The following LHFPL4 variants were observed in gnomAD, a reference collection of about 807,000 sequenced individuals.
The protein encoded by LHFPL4 is LHFPL tetraspan subfamily member 4.
LHFPL4 carries 6 observed loss-of-function variants against 20.0 expected under a neutral mutation model. The observed-to-expected ratio is 0.30, with a 90% CI of 0.16 to 0.59. The LOEUF is 0.59. LHFPL4 is among the 20% of genes least tolerant of loss of function. LHFPL4 has a pLI of 0.88. For missense variants in LHFPL4, 215 were observed against 331.2 expected (o/e 0.65, Z 2.72); for synonymous variants, 129 against 143.8 (o/e 0.90, Z 0.74).
intron 2 of LHFPL4, among the ~76,000 whole-genome samples, chr3:9,529,645 T>A (rs2046396897): frequency 6.6e-6 from 1 of 151,846 alleles, no homozygotes; most frequent in Non-Finnish European, 1.5e-5. Context: ...ATTTATTTAT[T>A]TTTTTTTGAG....
At chr3:9,515,263 C>A (rs2046291779) in intron 2 of LHFPL4, among the ~76,000 whole-genome samples, 1 of 152,228 alleles carries the variant, frequency 6.6e-6, no homozygotes, top group Non-Finnish European at 1.5e-5. Context: ...TGTGGAACGT[C>A]TTCTCATATG....
In LHFPL4 at chr3:9,552,520, G is replaced by A. The variant is rs1237382648; in HGVS notation, c.160C>T (p.Pro54Ser). 6.2e-7 allele frequency: 1 copy of A among 1,613,846 alleles called. No individual in the cohort carries two copies. Among genetic ancestry groups the A allele is most frequent in the Admixed American group, 1.7e-5 (1 of 60,028 alleles). The part of the protein sequence containing the change: ...PYWVGDSVST[P>S]KPGYFGLFHY... ...AAGAGGCCGAAGTAGCCAGGCTTGG[G>A]GGTGCTCACGCTGTCGCCCACCCAG... Residue 54 changes from proline (P) to serine (S), a missense_variant, in exon 2 of 4, where the codon CCC (proline) becomes TCC (serine). Physicochemically the swap from Pro to Ser is moderately conservative, Grantham distance 74. This residue lies in a region of LHFPL4 where 164 missense variants were observed against 286.7 expected (regional missense o/e 0.57). Transcript: ENST00000287585.
chr3:9,517,975 G>A (rs926268990), intron 2 of LHFPL4, among the ~76,000 whole-genome samples: 2 of 151,928 alleles, frequency 1.3e-5, no homozygotes, highest in African/African-American at 4.8e-5. Context: ...GCAGTAGTGA[G>A]GGGACACCCT....
At chr3:9,520,133 T>C (rs2046328675) in intron 2 of LHFPL4, among the ~76,000 whole-genome samples, 1 of 152,038 alleles carries the variant, frequency 6.6e-6, no homozygotes, top group African/African-American at 2.4e-5. Flanking sequence ...CCTCAAGTTT[T>C]TGTAAGTTGT....
chr3:9,529,426 C>T (rs1192539800), intron 2 of LHFPL4, among the ~76,000 whole-genome samples: 1 of 152,170 alleles, frequency 6.6e-6, no homozygotes, highest in Admixed American at 6.5e-5. Context: ...AACAACTTAT[C>T]TATGGCAGCT....
chr3:9,542,868 T>C (rs769639482), intron 2 of LHFPL4, among the ~76,000 whole-genome samples: 2 of 147,730 alleles, frequency 1.4e-5, no homozygotes, highest in African/African-American at 2.5e-5. Flanking sequence ...GTGTCTAGAA[T>C]AGGCTAATAC....
intron 2 of LHFPL4, among the ~76,000 whole-genome samples, chr3:9,532,319 G>A (rs895666497): frequency 1.5e-4 from 23 of 151,784 alleles, no homozygotes; most frequent in African/African-American, 2.2e-4. Context: ...ATGAGCCACC[G>A]TGCCCGGCCT....
At chr3:9,540,433 T>C (rs2046469988) in intron 2 of LHFPL4, among the ~76,000 whole-genome samples, 1 of 152,158 alleles carries the variant, frequency 6.6e-6, no homozygotes, top group African/African-American at 2.4e-5. Context: ...GTGGGCTGGA[T>C]TTAGGAACTT....
At chr3:9,538,392 A>G (rs1017065295) in intron 2 of LHFPL4, among the ~76,000 whole-genome samples, 1 of 152,060 alleles carries the variant, frequency 6.6e-6, no homozygotes, top group African/African-American at 2.4e-5. Context: ...TCCTCTCCCA[A>G]CTGTTCCCAC....
At chr3:9,525,353 C>G (rs2046366542) in intron 2 of LHFPL4, among the ~76,000 whole-genome samples, 1 of 152,192 alleles carries the variant, frequency 6.6e-6, no homozygotes, top group Non-Finnish European at 1.5e-5. Flanking sequence ...TTTTCCCTTG[C>G]CTGGGCATTG....
intron 2 of LHFPL4, among the ~76,000 whole-genome samples, chr3:9,534,956 C>T (rs2542362): frequency 0.15 from 23,189 of 150,186 alleles, 2,775 homozygotes; most frequent in East Asian, 0.44. Context: ...GAGGGGAAGA[C>T]GAAAAAGATG....
At chr3:9,537,508 C>G (rs979456571) in intron 2 of LHFPL4, among the ~76,000 whole-genome samples, 1 of 152,192 alleles carries the variant, frequency 6.6e-6, no homozygotes, top group Non-Finnish European at 1.5e-5. Flanking sequence ...GAGTCCACAG[C>G]CTGTTAATAA....
chr3:9,515,452 C>G (rs2046293150), intron 2 of LHFPL4, among the ~76,000 whole-genome samples: 1 of 152,186 alleles, frequency 6.6e-6, no homozygotes, highest in Non-Finnish European at 1.5e-5. Context: ...CAGCTCACTG[C>G]AACCTCTGCC....
intron 2 of LHFPL4, among the ~76,000 whole-genome samples, chr3:9,543,292 G>A (rs1019261569): frequency 2.6e-5 from 4 of 151,988 alleles, no homozygotes; most frequent in African/African-American, 7.3e-5. Flanking sequence ...ACGAGGTCAG[G>A]AGATCGAGAC....
At chr3:9,532,264 G>C (rs944259087) in intron 2 of LHFPL4, among the ~76,000 whole-genome samples, 2 of 152,106 alleles carry the variant, frequency 1.3e-5, no homozygotes, top group African/African-American at 4.8e-5. Flanking sequence ...CCTGACCTTA[G>C]GTGATCTGCC....
At chr3:9,523,993 C>CCCG (rs1553647672) in intron 2 of LHFPL4, among the ~76,000 whole-genome samples, 92 of 142,348 alleles carry the variant, frequency 6.5e-4, no homozygotes, top group African/African-American at 2.3e-3. Context: ...TCCCCCCCCC[C>CCCG]CAACACTTTA....
At chr3:9,546,479 A>G (rs985889369) in intron 2 of LHFPL4, among the ~76,000 whole-genome samples, 1 of 152,096 alleles carries the variant, frequency 6.6e-6, no homozygotes, top group Non-Finnish European at 1.5e-5. Context: ...TCCAGGTACC[A>G]GGGTGGTGCC....
intron 2 of LHFPL4, among the ~76,000 whole-genome samples, chr3:9,533,151 G>A (rs1184462776): frequency 6.6e-6 from 1 of 152,222 alleles, no homozygotes; most frequent in Non-Finnish European, 1.5e-5. Flanking sequence ...GCTGCTTGCT[G>A]TAGCATCTGC....
intron 2 of LHFPL4, among the ~76,000 whole-genome samples, chr3:9,507,035 C>G (rs1336154785): frequency 6.6e-6 from 1 of 152,240 alleles, no homozygotes; most frequent in Non-Finnish European, 1.5e-5. Flanking sequence ...AGGACTTAGC[C>G]TAGTTCTTCC....
Sources: gnomAD v4.1 joint callset for allele counts (sites outside exome capture counted in the v4.1 genomes callset) on GRCh38, gnomAD v4.1.1 for gene constraint, gnomAD v4.1.1 regional missense constraint, MANE v1.5 for transcripts, NCBI Gene and HGNC (gene_info 2026-07-23, HGNC 2026-07-21) for gene names.